The following RPA1 variants were observed in gnomAD, a reference collection of about 807,000 sequenced individuals.
RPA1 encodes replication protein A 70 kDa DNA-binding subunit.
In RPA1, 49 loss-of-function variants were observed where a neutral mutation model predicts 83.0. The observed-to-expected ratio is 0.59, with a 90% confidence interval of 0.47 to 0.75. The LOEUF is 0.75. RPA1 is among the 30% of genes least tolerant of loss of function. The probability of loss-of-function intolerance (pLI) is 0.00; values close to 1 mark genes in which losing one functional copy is unlikely to be tolerated. For synonymous variants in RPA1, 279 were observed against 281.8 expected, an observed-to-expected ratio of 0.99 and a Z score of 0.10; for missense variants, 693 against 776.1, an observed-to-expected ratio of 0.89 and a Z score of 1.27.
At chr17:1,842,694 G>A in intron 1 of RPA1, 109 bp from the exon 2 acceptor site, 1 of 893,474 alleles carries the variant, frequency 1.1e-6, no homozygotes, top group Non-Finnish European at 1.8e-6. Context: ...CTCTGAATAG[G>A]CTCTTTTAAC....
At chr17:1,832,486 A>G (rs1911656636) in intron 1 of RPA1, among the ~76,000 whole-genome samples, 1 of 152,026 alleles carries the variant, frequency 6.6e-6, no homozygotes, top group Non-Finnish European at 1.5e-5. Flanking sequence ...TCCTGGGTTC[A>G]AGCAATTCTC....
intron 5 of RPA1, among the ~76,000 whole-genome samples, chr17:1,855,991 A>G (rs1290375167): frequency 2.0e-5 from 3 of 152,174 alleles, no homozygotes; most frequent in African/African-American, 7.2e-5. Context: ...TAAATATTCT[A>G]AACACCCCAA....
intron 4 of RPA1, among the ~76,000 whole-genome samples, chr17:1,849,508 G>A (rs1463893959): frequency 6.6e-6 from 1 of 151,756 alleles, no homozygotes; most frequent in Non-Finnish European, 1.5e-5. Flanking sequence ...TAGCCAGGAT[G>A]ATCTCGATCT....
In RPA1 at chr17:1,877,308, C is replaced by T. The variant is rs376851045; in HGVS notation, c.684C>T (p.Asp228=). 1.4e-5 allele frequency: 23 copies of T among 1,613,722 alleles called. No homozygotes were observed. Among genetic ancestry groups the T allele is most frequent in the South Asian group, 9.9e-5 (9 of 91,062 alleles). Residue 228 remains aspartate (D), a synonymous_variant, in exon 8 of 17, where the codon GAC becomes GAT. Coordinates refer to ENST00000254719, the MANE Select transcript of RPA1 (RefSeq NM_002945.5). ...EGKLFSLELV[D]ESGEIRATAF... Reference sequence around the variant, plus strand: ...AGCTTTTCTCCCTAGAACTGGTTGACGAAAGTGTGAGTGTTTGTCATGCTG... The same window carrying T: ...AGCTTTTCTCCCTAGAACTGGTTGATGAAAGTGTGAGTGTTTGTCATGCTG...
At chr17:1,860,185 C>T (rs1430208845) in intron 5 of RPA1, among the ~76,000 whole-genome samples, 2 of 152,112 alleles carry the variant, frequency 1.3e-5, no homozygotes, top group Non-Finnish European at 2.9e-5. Context: ...CTCCAGCAAT[C>T]CTCCTGCCTC....
intron 6 of RPA1, among the ~76,000 whole-genome samples, chr17:1,873,830 T>C (rs1222700749): frequency 1.3e-5 from 2 of 151,174 alleles, no homozygotes; most frequent in Non-Finnish European, 2.9e-5. Flanking sequence ...CCATCTCTAC[T>C]AAAAGTACAA....
chr17:1,895,006 C>A lies in RPA1; in HGVS notation c.1660-3C>A. ...GTGTCAAGTTTTATGTTTGTTTTTG[C>A]AGAATGAACAGGCATTTGAAGAAGT... On this transcript the variant is annotated splice_region_variant and splice_polypyrimidine_tract_variant and intron_variant, in intron 15 of 16. Coordinates refer to ENST00000254719, the MANE Select transcript of RPA1 (RefSeq NM_002945.5). The A allele has an allele frequency of 6.2e-7, 1 of 1,611,316 alleles. No individual in the cohort carries two copies. The highest frequency in any genetic ancestry group is 8.5e-7 in the Non-Finnish European group (1 of 1,178,258).
At position 1,899,185 on chromosome 17, in the gene RPA1, C is replaced by T. The variant is rs1177186547; in HGVS notation, c.*2010C>T. ...AGGAGGCTGTTTCTAACAGATTTCC[C>T]CACTCAAAGATCAGATCACCAGCAG... On this transcript the variant is annotated 3_prime_UTR_variant, in exon 17 of 17. Coordinates refer to ENST00000254719, the MANE Select transcript of RPA1 (RefSeq NM_002945.5). 6.5e-6 allele frequency: 1 copy of T among 152,952 alleles called. No homozygotes were observed. 9.5% of individuals were successfully genotyped at this position (152,952 alleles called of 1,614,324 possible).
chr17:1,895,207 G>C, intron 16 of RPA1, 112 bp downstream of exon 16: 1 of 765,812 alleles, frequency 1.3e-6, no homozygotes, highest in Non-Finnish European at 2.1e-6. Flanking sequence ...GCCAGACCCC[G>C]GTGCTGACTT....
At chr17:1,887,372 A>G (rs1224705176) in intron 13 of RPA1, among the ~76,000 whole-genome samples, 1 of 151,670 alleles carries the variant, frequency 6.6e-6, no homozygotes, top group Non-Finnish European at 1.5e-5. Flanking sequence ...ATCCTGACCA[A>G]CGTGGTTAAA....
Position 1,897,253 on chromosome 17 carries a change from C to A in RPA1, c.*78C>A, listed in dbSNP as rs1914477460. On this transcript the variant is annotated 3_prime_UTR_variant, in exon 17 of 17. Transcript: ENST00000254719. Reference sequence around the variant, plus strand: ...TTTCCTCCCACCTCCGTGTGACGATCCCATGTTAGCTACACAGTGCAGAGG... The same window carrying A: ...TTTCCTCCCACCTCCGTGTGACGATACCATGTTAGCTACACAGTGCAGAGG... The A allele has an allele frequency of 9.2e-7, 1 of 1,083,250 alleles. No individual in the cohort carries two copies. The highest frequency in any genetic ancestry group is 1.6e-5 in the African/African-American group (1 of 63,890). The allele number at this position is 1,083,250 out of a possible 1,614,324, so 67.1% of individuals were successfully genotyped here. A position where few individuals can be genotyped will look rare whatever the true frequency, so the allele number is the denominator to read the frequency against.
intron 1 of RPA1, among the ~76,000 whole-genome samples, chr17:1,831,660 G>A (rs528790646): frequency 2.7e-4 from 40 of 149,238 alleles, no homozygotes; most frequent in Admixed American, 1.1e-3. Context: ...GGGCAGTGGC[G>A]CGATCTCGGC....
chr17:1,831,756 G>A (rs914903385), intron 1 of RPA1, among the ~76,000 whole-genome samples: 2 of 150,524 alleles, frequency 1.3e-5, no homozygotes, highest in South Asian at 2.1e-4. Context: ...CCGCCACCAC[G>A]CCCGGCTAAT....
chr17:1,858,152 G>A (rs11656253), intron 5 of RPA1: 595,383 of 1,613,500 alleles, frequency 0.37, 119,524 homozygotes, highest in Non-Finnish European at 0.42. Context: ...ATCAAGTGTC[G>A]GATCCCATTC....
rs149199260 is a variant in RPA1, at chr17:1,834,241, G to A, written c.33+4115G>A. On this transcript the variant is annotated intron_variant, in intron 1 of 16. Coordinates refer to ENST00000254719, the MANE Select transcript of RPA1 (RefSeq NM_002945.5). ...ATTTGATAAGTTTTTTTATTTTTTA[G>A]AGATGGGGTCTCACTCTGTTGCCCA... 2.8e-3 allele frequency among the ~76,000 whole-genome samples: 419 copies of A among 152,184 alleles called. 2 individuals carry two copies. The highest frequency in any genetic ancestry group is 5.0e-3 in the Admixed American group (77 of 15,272).
At position 1,897,591 on chromosome 17, in the gene RPA1, C is replaced by T. The variant is rs749209358; in HGVS notation, c.*416C>T. The stretch of plus-strand genomic sequence containing the variant: ...CGCTCACAACTTGGGTTCTTCTCAG[C>T]GGGGCGAGCTGAGAAGCGGTCATGA... On this transcript the variant is annotated 3_prime_UTR_variant, in exon 17 of 17. Coordinates refer to ENST00000254719, the MANE Select transcript of RPA1 (RefSeq NM_002945.5). 1.5e-4 allele frequency: 25 copies of T among 164,822 alleles called. No homozygotes were observed. The highest frequency in any genetic ancestry group is 1.7e-4 in the African/African-American group (7 of 41,622). The allele number at this position is 164,822 out of a possible 1,614,324, so 10.2% of individuals were successfully genotyped here.
chr17:1,892,504 C>T (rs1914241398), intron 15 of RPA1, among the ~76,000 whole-genome samples: 2 of 152,218 alleles, frequency 1.3e-5, no homozygotes, highest in African/African-American at 4.8e-5. Context: ...ATCGAAGCCA[C>T]CCGTTTCTCC....
chr17:1,892,695 CAAT>C (rs997735736), intron 15 of RPA1, among the ~76,000 whole-genome samples: 1 of 152,168 alleles, frequency 6.6e-6, no homozygotes, highest in African/African-American at 2.4e-5. Flanking sequence ...TCCTATAAAA[CAAT>C]AATAATAAAT....
intron 5 of RPA1, among the ~76,000 whole-genome samples, chr17:1,860,378 T>C (rs1912904539): frequency 6.6e-6 from 1 of 152,140 alleles, no homozygotes; most frequent in African/African-American, 2.4e-5. Context: ...CTCAAACTCC[T>C]GGCCTCAATC....
Sources: allele counts gnomAD v4.1 joint callset (sites outside exome capture counted in the v4.1 genomes callset), GRCh38; gene constraint gnomAD v4.1.1; transcripts MANE v1.5; gene names NCBI Gene and HGNC (gene_info 2026-07-23, HGNC 2026-07-21).